Variants in ITCH observed in about 807,000 individuals in gnomAD.
ITCH encodes the protein E3 ubiquitin-protein ligase Itchy homolog.
ITCH carries 28 observed loss-of-function variants against 126.8 expected under a neutral mutation model. The ratio of observed to expected loss-of-function variants is 0.22; its 90% CI spans 0.16 to 0.30. The LOEUF (loss-of-function observed/expected upper bound fraction) is 0.30. ITCH is among the 10% of genes least tolerant of loss of function. ITCH has a pLI of 1.00. For synonymous variants in ITCH, 342 were observed against 340.0 expected (o/e 1.01, Z -0.06); for missense variants, 631 against 1,032.4 (o/e 0.61, Z 5.33).
intron 3 of ITCH, chr20:34,402,388 A>G: frequency 3.8e-6 from 3 of 793,696 alleles, no homozygotes; most frequent in Middle Eastern, 2.3e-4. Context: ...GGTCCCAACA[A>G]GCAACAAAGG....
chr20:34,416,370 C>G (rs949643085), intron 6 of ITCH, among the ~76,000 whole-genome samples: 24 of 152,200 alleles, frequency 1.6e-4, no homozygotes, highest in African/African-American at 5.8e-4. Context: ...TGCACTCCAG[C>G]CTGGGCAACA....
intron 23 of ITCH, among the ~76,000 whole-genome samples, chr20:34,498,363 G>A (rs998598549): frequency 1.3e-5 from 2 of 152,094 alleles, no homozygotes; most frequent in Non-Finnish European, 2.9e-5. Flanking sequence ...ACTTCCAGCA[G>A]TTTGTTGAAT....
intron 6 of ITCH, among the ~76,000 whole-genome samples, 169 bp from the exon 7 acceptor site, chr20:34,424,311 A>T (rs776853818): frequency 2.0e-5 from 3 of 152,226 alleles, no homozygotes; most frequent in Non-Finnish European, 4.4e-5. Context: ...TTTTGCAGTC[A>T]TGAAAATCAC....
rs1201600967 is a variant in ITCH at position 34,475,011 on chromosome 20, C to A, written c.1570-2761C>A. On this transcript the variant is annotated intron_variant, in intron 16 of 24. Transcript: ENST00000374864. ...GCTGGGCAGAGGCGCTCCTCACATC[C>A]CAGACGGGGCGGCGGGGCAGAGGCG... Among the ~76,000 whole-genome samples, 5 of 151,598 alleles carry A rather than the reference C, an allele frequency of 3.3e-5. No individual in the cohort carries two copies. In the East Asian group the frequency reaches 5.8e-4, roughly 18 times the overall value.
chr20:34,500,183 C>T (rs891897855), intron 23 of ITCH, among the ~76,000 whole-genome samples: 1 of 152,156 alleles, frequency 6.6e-6, no homozygotes, highest in African/African-American at 2.4e-5. Flanking sequence ...CTATGAATGA[C>T]TGTTAGGTTC....
chr20:34,419,726 C>T (rs1292440857), intron 6 of ITCH, among the ~76,000 whole-genome samples: 1 of 152,190 alleles, frequency 6.6e-6, no homozygotes, highest in African/African-American at 2.4e-5. Context: ...ACTATCTCCG[C>T]TCGCTGCAAG....
At chr20:34,420,302 A>G (rs1007871189) in intron 6 of ITCH, among the ~76,000 whole-genome samples, 1 of 152,158 alleles carries the variant, frequency 6.6e-6, no homozygotes, top group African/African-American at 2.4e-5. Context: ...GGATTTGCCT[A>G]TTCAGGATAT....
rs192304587 is a variant in ITCH at position 34,487,975 on chromosome 20, C to A, written c.2094-1291C>A. Among the ~76,000 whole-genome samples the A allele has an allele frequency of 6.6e-5, 10 of 152,258 alleles. No individual in the cohort carries two copies. In the East Asian group the frequency reaches 1.9e-3, roughly 29 times the overall value. ...AAAAGAAGCTCATAATAATATAATT[C>A]CATTTACCTCACTCCAGCTCTTTGT... On this transcript the variant is annotated intron_variant, in intron 20 of 24. Coordinates refer to ENST00000374864, the MANE Select transcript of ITCH (RefSeq NM_031483.7).
chr20:34,461,537 T>G (rs1986498990), intron 13 of ITCH, among the ~76,000 whole-genome samples: 1 of 151,898 alleles, frequency 6.6e-6, no homozygotes, highest in Non-Finnish European at 1.5e-5. Flanking sequence ...GGTGAAACCC[T>G]GTCTCTACTA....
chr20:34,436,663 T>G (rs1334149255), intron 7 of ITCH, among the ~76,000 whole-genome samples: 1 of 152,216 alleles, frequency 6.6e-6, no homozygotes, highest in Admixed American at 6.5e-5. Context: ...ATATATAATC[T>G]GGGGATCTTG....
chr20:34,409,049 T>G (rs112675188), intron 4 of ITCH, among the ~76,000 whole-genome samples: 328 of 151,228 alleles, frequency 2.2e-3, no homozygotes, highest in African/African-American at 6.2e-3. Context: ...CACTGAACAA[T>G]AGCTGAAGAG....
At chr20:34,394,683 G>A (rs2038610486) in intron 3 of ITCH, among the ~76,000 whole-genome samples, 1 of 152,168 alleles carries the variant, frequency 6.6e-6, no homozygotes, top group South Asian at 2.1e-4. Context: ...CATCTTATTA[G>A]CATGCATGGG....
chr20:34,418,578 G>A (rs996421613), intron 6 of ITCH, among the ~76,000 whole-genome samples: 1 of 151,866 alleles, frequency 6.6e-6, no homozygotes, highest in Non-Finnish European at 1.5e-5. Flanking sequence ...ATTATTTGAA[G>A]TTACTAGATC....
chr20:34,483,821 G>A (rs1988927141), intron 20 of ITCH, among the ~76,000 whole-genome samples: 2 of 152,172 alleles, frequency 1.3e-5, no homozygotes, highest in Admixed American at 6.5e-5. Context: ...CTGCTGCTAA[G>A]ACATACTTGA....
intron 3 of ITCH, among the ~76,000 whole-genome samples, chr20:34,395,667 G>A (rs1180201837): frequency 2.0e-5 from 3 of 152,124 alleles, no homozygotes; most frequent in Non-Finnish European, 4.4e-5. Context: ...CTCTAGATTT[G>A]CCTATTCTGG....
chr20:34,465,326 T>C (rs1334496819), intron 14 of ITCH, among the ~76,000 whole-genome samples: 1 of 152,268 alleles, frequency 6.6e-6, no homozygotes, highest in African/African-American at 2.4e-5. Context: ...CCTCCAACTT[T>C]GTTCTTTTTT....
intron 1 of ITCH, among the ~76,000 whole-genome samples, chr20:34,365,351 A>G (rs952212583): frequency 1.1e-4 from 17 of 152,218 alleles, no homozygotes; most frequent in Non-Finnish European, 1.5e-5. Context: ...TAAAAAAATG[A>G]GTACAGACTA....
intron 2 of ITCH, among the ~76,000 whole-genome samples, chr20:34,383,923 C>A: frequency 6.8e-6 from 1 of 147,954 alleles, no homozygotes; most frequent in African/African-American, 2.5e-5. Context: ...TGGCTCGTCG[C>A]AACCTCTGCC....
intron 6 of ITCH, among the ~76,000 whole-genome samples, chr20:34,419,505 G>A (rs1180691336): frequency 6.7e-6 from 1 of 148,734 alleles, no homozygotes; most frequent in Non-Finnish European, 1.5e-5. Context: ...TTTTTGAGAC[G>A]GAGTCTTCCA....
Sources: allele counts gnomAD v4.1 joint callset (sites outside exome capture counted in the v4.1 genomes callset), GRCh38; gene constraint gnomAD v4.1.1; transcripts MANE v1.5; gene names NCBI Gene and HGNC (gene_info 2026-07-23, HGNC 2026-07-21).